Variants in DOCK3 observed in about 807,000 individuals in gnomAD.
DOCK3 encodes the protein dedicator of cytokinesis 3, also known as dedicator of cytokinesis protein 3.
In DOCK3, 60 loss-of-function variants were observed where a neutral mutation model predicts 265.6. The ratio of observed to expected loss-of-function variants is 0.23; its 90% CI spans 0.18 to 0.28. The LOEUF is 0.28. Ranked by LOEUF, DOCK3 falls within the 10% of genes least tolerant of loss-of-function variation. The pLI is 1.00. For missense variants in DOCK3, 1,981 were observed against 2,594.3 expected, an observed-to-expected ratio of 0.76 and a Z score of 5.14; for synonymous variants, 881 against 938.0, an observed-to-expected ratio of 0.94 and a Z score of 1.11.
chr3:51,270,427 T>G (rs1276225609), intron 23 of DOCK3, among the ~76,000 whole-genome samples: 1 of 152,136 alleles, frequency 6.6e-6, no homozygotes, highest in Non-Finnish European at 1.5e-5. Context: ...CTTTCTTGAG[T>G]TTGGAACCAA....
intron 2 of DOCK3, among the ~76,000 whole-genome samples, chr3:50,788,810 G>T (rs1349522450): frequency 6.8e-6 from 1 of 146,276 alleles, no homozygotes; most frequent in South Asian, 2.2e-4. Flanking sequence ...GGGGAGGGGG[G>T]TGGGTGTGTG....
intron 27 of DOCK3, among the ~76,000 whole-genome samples, chr3:51,305,032 T>A (rs549292487): frequency 6.6e-6 from 1 of 152,330 alleles, no homozygotes; most frequent in East Asian, 1.9e-4. Flanking sequence ...GGAAAACGTG[T>A]GTATTTTGTT....
At chr3:51,245,868 T>G (rs1192281014) in intron 21 of DOCK3, among the ~76,000 whole-genome samples, 1 of 152,182 alleles carries the variant, frequency 6.6e-6, no homozygotes, top group Admixed American at 6.5e-5. Flanking sequence ...AACTTTGAGA[T>G]GTACTATTTC....
chr3:51,174,256 G>A (rs552787571), intron 12 of DOCK3, among the ~76,000 whole-genome samples: 106 of 152,182 alleles, frequency 7.0e-4, no homozygotes, highest in African/African-American at 2.4e-3. Context: ...AGGAGTTCAA[G>A]ACCATCCTGG....
At chr3:50,730,287 GC>G (rs2038114736) in intron 1 of DOCK3, among the ~76,000 whole-genome samples, 1 of 152,068 alleles carries the variant, frequency 6.6e-6, no homozygotes, top group African/African-American at 2.4e-5. Flanking sequence ...GATTACAGGT[GC>G]CCGCCACCAT....
intron 3 of DOCK3, among the ~76,000 whole-genome samples, chr3:50,882,090 C>A (rs2048070331): frequency 1.3e-5 from 2 of 152,146 alleles, no homozygotes; most frequent in Admixed American, 6.5e-5. Flanking sequence ...TGGATCCCTT[C>A]CTTACACCTT....
intron 2 of DOCK3, among the ~76,000 whole-genome samples, chr3:50,789,722 TTTTG>T (rs777825353): frequency 1.8e-4 from 28 of 152,270 alleles, no homozygotes; most frequent in African/African-American, 6.0e-4. Flanking sequence ...TTTAAATCTT[TTTTG>T]TTTGTTTGTT....
chr3:51,023,255 TTCTTTA>T (rs1213867162), intron 5 of DOCK3, among the ~76,000 whole-genome samples: 11 of 152,176 alleles, frequency 7.2e-5, no homozygotes, highest in African/African-American at 2.4e-4. Context: ...CTTTTTTTTT[TTCTTTA>T]TCTTTGTCTG....
chr3:50,726,249 C>G (rs2037814624), intron 1 of DOCK3, among the ~76,000 whole-genome samples: 1 of 152,060 alleles, frequency 6.6e-6, no homozygotes, highest in Non-Finnish European at 1.5e-5. Context: ...ATACAGAACT[C>G]TGTGGATTCA....
At chr3:51,343,143 G>A (rs538377049) in intron 38 of DOCK3, among the ~76,000 whole-genome samples, 159 of 152,248 alleles carry the variant, frequency 1.0e-3, no homozygotes, top group Non-Finnish European at 1.3e-3. Context: ...AAATGCTCCC[G>A]TGGGGCAGGG....
At chr3:51,172,004 G>A (rs536723720) in intron 12 of DOCK3, among the ~76,000 whole-genome samples, 8 of 152,036 alleles carry the variant, frequency 5.3e-5, no homozygotes, top group African/African-American at 1.9e-4. Context: ...ATATTTAGAT[G>A]CTCTAATTTT....
intron 12 of DOCK3, among the ~76,000 whole-genome samples, chr3:51,185,431 G>A (rs187988321): frequency 2.0e-4 from 31 of 152,258 alleles, no homozygotes; most frequent in Admixed American, 3.9e-4. Context: ...AAATATAATG[G>A]TCAAGTAGGC....
intron 5 of DOCK3, among the ~76,000 whole-genome samples, chr3:51,025,346 G>A (rs1050836612): frequency 1.3e-5 from 2 of 152,134 alleles, no homozygotes; most frequent in Admixed American, 1.3e-4. Context: ...TACAAAAGGA[G>A]TGGGGAGTAG....
intron 2 of DOCK3, among the ~76,000 whole-genome samples, chr3:50,840,720 C>T (rs1559709334): frequency 6.6e-6 from 1 of 152,090 alleles, no homozygotes; most frequent in Non-Finnish European, 1.5e-5. Context: ...TGTAAAGTGT[C>T]ACATTGGTAA....
Position 50,688,712 on chromosome 3 carries a change from C to T in DOCK3, c.37+13412C>T, listed in dbSNP as rs184116433. Among the ~76,000 whole-genome samples, 111 of 152,300 alleles carry T rather than the reference C, an allele frequency of 7.3e-4. 1 individual carries two copies. In the East Asian group the frequency reaches 0.019, roughly 27 times the overall value. On this transcript the variant is annotated intron_variant, in intron 1 of 52. Transcript: ENST00000266037. ...TCCTGACCTCAGGTGATCCCACCCA[C>T]CTTGGCCTCTTAAAGTGCTGGGATT... is the stretch of plus-strand genomic sequence containing the variant.
intron 19 of DOCK3, among the ~76,000 whole-genome samples, chr3:51,233,629 A>G (rs1433598237): frequency 6.6e-6 from 1 of 152,132 alleles, no homozygotes; most frequent in Admixed American, 6.5e-5. Context: ...TCGGCCTCCC[A>G]AAGTGCTGGG....
At chr3:51,339,976 G>A (rs2085134164) in intron 37 of DOCK3, among the ~76,000 whole-genome samples, 1 of 152,200 alleles carries the variant, frequency 6.6e-6, no homozygotes, top group Non-Finnish European at 1.5e-5. Context: ...AGCTTGGCAA[G>A]AATTAAATCT....
chr3:51,233,356 ATCTAT>A (rs374415587), intron 19 of DOCK3, among the ~76,000 whole-genome samples: 66,599 of 109,074 alleles, frequency 0.61, 17,214 homozygotes, highest in Non-Finnish European at 0.69. Context: ...CTATCTATCT[ATCTAT>A]TTATTTATTT....
At chr3:51,365,781 G>A (rs1234742104) in intron 49 of DOCK3, among the ~76,000 whole-genome samples, 1 of 152,162 alleles carries the variant, frequency 6.6e-6, no homozygotes, top group African/African-American at 2.4e-5. Flanking sequence ...TTATATGATG[G>A]ATTACGTTTA....
Sources: allele counts gnomAD v4.1 joint callset (sites outside exome capture counted in the v4.1 genomes callset), GRCh38; gene constraint gnomAD v4.1.1; transcripts MANE v1.5; gene names NCBI Gene and HGNC (gene_info 2026-07-23, HGNC 2026-07-21).